Variants in C4orf50 observed in about 807,000 individuals in gnomAD.
C4orf50 encodes the protein uncharacterized protein C4orf50.
A neutral mutation model predicts 77.2 loss-of-function variants in C4orf50; 80 were observed. The ratio of observed to expected loss-of-function variants is 1.04; its 90% CI spans 0.87 to 1.25. C4orf50 has a LOEUF of 1.25. Among genes scored for constraint, C4orf50 ranks in the 50% most tolerant of loss-of-function variants. The pLI is 0.00. For missense variants in C4orf50, 1,257 were observed against 1,152.9 expected, an observed-to-expected ratio of 1.09 and a Z score of -1.31; for synonymous variants, 532 against 465.3, an observed-to-expected ratio of 1.14 and a Z score of -1.84.
At chr4:6,003,860 G>GTGATGGTGATAATGGTGA (rs1721991979) in intron 25 of C4orf50, among the ~76,000 whole-genome samples, 1 of 57,506 alleles carries the variant, frequency 1.7e-5, no homozygotes, top group Admixed American at 1.5e-4. Context: ...GGTGATGATG[G>GTGATGGTGATAATGGTGA]TGATGGTGAT....
intron 25 of C4orf50, among the ~76,000 whole-genome samples, chr4:6,003,919 GTGGT>G (rs1560598182): frequency 2.8e-3 from 89 of 32,310 alleles, no homozygotes; most frequent in African/African-American, 8.4e-3. Context: ...GTTGATGATG[GTGGT>G]GATGGTGATG....
exon 28 of C4orf50, chr4:5,990,079 C>T (rs775157109): frequency 3.5e-5 from 47 of 1,333,090 alleles, no homozygotes; most frequent in Non-Finnish European, 4.2e-5. Flanking sequence ...CAGTCCTCCT[C>T]GGAGACCCCA....
At chr4:5,929,216 C>T (rs1425249332) in intron 7 of C4orf50, among the ~76,000 whole-genome samples, 1 of 152,188 alleles carries the variant, frequency 6.6e-6, no homozygotes, top group East Asian at 1.9e-4. Flanking sequence ...ATCTGTGTCT[C>T]AGTGACCAAC....
At chr4:6,003,937 GTGATGGTGATGA>G (rs1722007733) in intron 25 of C4orf50, among the ~76,000 whole-genome samples, 1 of 1,972 alleles carries the variant, frequency 5.1e-4, no homozygotes, top group Non-Finnish European at 1.4e-3. Flanking sequence ...GGTGATGATG[GTGATGGTGATGA>G]TGGTGATGGT....
At chr4:5,976,104 C>T (rs1289837628) in intron 29 of C4orf50, 149 bp from the exon 8 acceptor site, 3 of 651,016 alleles carry the variant, frequency 4.6e-6, no homozygotes, top group Non-Finnish European at 5.5e-6. Flanking sequence ...GGGCCTTTCC[C>T]ACCACCTGCC....
chr4:5,927,415 C>T (rs556187769), intron 7 of C4orf50, among the ~76,000 whole-genome samples: 50 of 151,932 alleles, frequency 3.3e-4, no homozygotes, highest in Non-Finnish European at 6.3e-4. Context: ...CTGTCTCTGC[C>T]CTCTGCTTGA....
exon 28 of C4orf50, chr4:5,990,363 C>T (rs1721196491): frequency 6.2e-6 from 3 of 484,300 alleles, no homozygotes; most frequent in Non-Finnish European, 9.9e-6. Flanking sequence ...TTGCCTTCCC[C>T]TCTTCAGTTC....
chr4:5,945,781 G>A (rs1264366718), intron 7 of C4orf50, among the ~76,000 whole-genome samples: 1 of 152,172 alleles, frequency 6.6e-6, no homozygotes, highest in Non-Finnish European at 1.5e-5. Flanking sequence ...CCCTGGGCTG[G>A]GCTGGACCCT....
At chr4:5,926,678 C>G (rs532625359) in intron 7 of C4orf50, among the ~76,000 whole-genome samples, 42 of 152,064 alleles carry the variant, frequency 2.8e-4, no homozygotes, top group African/African-American at 1.0e-3. Flanking sequence ...CCCGGGCCCA[C>G]AGACCATATT....
downstream of C4orf50, among the ~76,000 whole-genome samples, chr4:5,955,315 G>T (rs1430307782): frequency 6.6e-6 from 1 of 152,070 alleles, no homozygotes; most frequent in Non-Finnish European, 1.5e-5. The surrounding 1 kb of genome is among the most constrained non-coding windows in gnomAD (Gnocchi z 5.1). Context: ...GAGAGGTGGG[G>T]TAAGGGGAAG....
At chr4:5,920,151 G>C (rs1463616023) in intron 7 of C4orf50, among the ~76,000 whole-genome samples, 1 of 152,194 alleles carries the variant, frequency 6.6e-6, no homozygotes, top group Non-Finnish European at 1.5e-5. Flanking sequence ...CTCCTTAGGA[G>C]GTCCTGGAAA....
chr4:5,989,925 T>G, exon 28 of C4orf50: 4 of 1,427,438 alleles, frequency 2.8e-6, no homozygotes, highest in South Asian at 1.6e-5. Flanking sequence ...CAAGCCACAC[T>G]TGGTTTTCCT....
chr4:5,946,721 C>A (rs994172725), intron 7 of C4orf50, among the ~76,000 whole-genome samples: 1 of 152,204 alleles, frequency 6.6e-6, no homozygotes, highest in African/African-American at 2.4e-5. Flanking sequence ...TTAGATTGTG[C>A]GGTCTGGCTC....
rs1237497417 is a variant in C4orf50 at position 6,007,489 on chromosome 4, C to A, written c.963+507G>T. On this transcript the variant is annotated intron_variant, in intron 25 of 33. Coordinates refer to ENST00000531445, the Ensembl canonical transcript of C4orf50. The surrounding 1 kb of genome is among the most constrained non-coding windows in gnomAD (Gnocchi z 4.1). ...CCCCCAACACCAAATCTGCTGGTGC[C>A]TTGATCTTGGACCTCCAGCCTCCAA... Among the ~76,000 whole-genome samples, 1 of 152,150 alleles carries A rather than the reference C, an allele frequency of 6.6e-6. No homozygotes were observed. The highest frequency in any genetic ancestry group is 1.5e-5 in the Non-Finnish European group (1 of 68,034).
chr4:5,984,230 A>G (rs1024874790), intron 28 of C4orf50, among the ~76,000 whole-genome samples: 2 of 152,236 alleles, frequency 1.3e-5, no homozygotes, highest in Non-Finnish European at 2.9e-5. Flanking sequence ...TTCTTTGGAG[A>G]AAGACAATAA....
chr4:5,923,850 C>T (rs953372109), intron 7 of C4orf50, among the ~76,000 whole-genome samples: 4 of 152,164 alleles, frequency 2.6e-5, no homozygotes, highest in Non-Finnish European at 5.9e-5. Flanking sequence ...AGTCAGTGGG[C>T]TGGGAGAGGC....
chr4:5,938,473 C>A (rs572763341), intron 7 of C4orf50, among the ~76,000 whole-genome samples: 2 of 152,278 alleles, frequency 1.3e-5, no homozygotes, highest in South Asian at 4.1e-4. Flanking sequence ...GAGGGGCCCT[C>A]TGATCTAAGG....
exon 30 of C4orf50, chr4:5,975,954 A>C (rs993610200): frequency 2.5e-6 from 4 of 1,613,660 alleles, no homozygotes; most frequent in Non-Finnish European, 2.5e-6. Flanking sequence ...AAGTTCTTCA[A>C]GCTGAAATAA....
chr4:5,956,747 GT>G (rs1335262359), downstream of C4orf50: 1 of 152,408 alleles, frequency 6.6e-6, no homozygotes, highest in Non-Finnish European at 1.5e-5. Flanking sequence ...CGCCATTGTT[GT>G]TTGCTGACAG....
Sources: gnomAD v4.1 joint callset for allele counts (sites outside exome capture counted in the v4.1 genomes callset) on GRCh38, gnomAD v4.1.1 for gene constraint, Gnocchi (gnomAD v3.1) non-coding constraint, MANE v1.5 for transcripts, NCBI Gene and HGNC (gene_info 2026-07-23, HGNC 2026-07-21) for gene names.